The following MMRN1 variants were observed in gnomAD, a reference collection of about 807,000 sequenced individuals.
MMRN1 encodes the protein multimerin 1.
In MMRN1, 94 loss-of-function variants were observed where a neutral mutation model predicts 100.7. The observed-to-expected ratio is 0.93, with a 90% confidence interval of 0.79 to 1.11. The LOEUF (loss-of-function observed/expected upper bound fraction) is 1.11. Ranked by LOEUF, MMRN1 falls within the 50% of genes least tolerant of loss-of-function variation. The pLI, the probability that MMRN1 is intolerant of heterozygous loss-of-function variation, is 0.00. For missense variants in MMRN1, 1,606 were observed against 1,439.1 expected (o/e 1.12, Z -1.88); for synonymous variants, 575 against 505.0 (o/e 1.14, Z -1.86).
At chr4:89,925,241 A>G (rs1015622929) in intron 4 of MMRN1, among the ~76,000 whole-genome samples, 2 of 149,880 alleles carry the variant, frequency 1.3e-5, no homozygotes, top group East Asian at 2.0e-4. Context: ...AGCTCAACCA[A>G]TCCTCCTGCC....
At chr4:89,941,188 T>C (rs970870769) in intron 6 of MMRN1, among the ~76,000 whole-genome samples, 4 of 152,194 alleles carry the variant, frequency 2.6e-5, no homozygotes, top group African/African-American at 9.6e-5. Flanking sequence ...GAAAGCTATC[T>C]GCTTCAATTT....
At chr4:89,885,670 T>C (rs541340229) in intron 1 of MMRN1, among the ~76,000 whole-genome samples, 2 of 152,276 alleles carry the variant, frequency 1.3e-5, no homozygotes, top group African/African-American at 2.4e-5. Context: ...TTGCCAGATA[T>C]ATTGGCATAA....
At chr4:89,910,595 A>G (rs972146061) in intron 2 of MMRN1, among the ~76,000 whole-genome samples, 2 of 151,478 alleles carry the variant, frequency 1.3e-5, no homozygotes, top group Non-Finnish European at 3.0e-5. Flanking sequence ...ACAATAGTTC[A>G]ACTAACTGCC....
intron 3 of MMRN1, among the ~76,000 whole-genome samples, chr4:89,915,400 C>T (rs1043412486): frequency 6.6e-6 from 1 of 151,536 alleles, no homozygotes; most frequent in Admixed American, 6.6e-5. Context: ...GTACACCGAA[C>T]ATTCACCATG....
rs928725203 is a variant in MMRN1 at position 89,936,444 on chromosome 4, A to G, written c.2764A>G (p.Lys922Glu). The G allele has an allele frequency of 1.9e-6, 3 of 1,611,650 alleles. No individual in the cohort carries two copies. The highest frequency in any genetic ancestry group is 3.4e-5 in the Admixed American group (2 of 59,644). ...TTCAATTAACTTCTTTTCGCTTAAC[A>G]AAACTCTCCACGAAGTTTTAACAAT... is the stretch of plus-strand genomic sequence containing the variant. ...HLSINFFSLN[K>E]TLHEVLTMCH... Residue 922 changes from lysine (K) to glutamate (E), a missense_variant, in exon 6 of 8, where the codon AAA becomes GAA. Lys to Glu is a moderately conservative substitution (Grantham distance 56, BLOSUM62 1). Coordinates refer to ENST00000264790, the MANE Select transcript of MMRN1 (RefSeq NM_007351.3).
intron 6 of MMRN1, among the ~76,000 whole-genome samples, chr4:89,942,133 G>A (rs1722850249): frequency 6.6e-6 from 1 of 152,052 alleles, no homozygotes; most frequent in African/African-American, 2.4e-5. Flanking sequence ...AAAAGGAAAT[G>A]GGATGGAATT....
chr4:89,891,360 C>T (rs1362682446), upstream of MMRN1, among the ~76,000 whole-genome samples: 1 of 152,024 alleles, frequency 6.6e-6, no homozygotes, highest in African/African-American at 2.4e-5. Flanking sequence ...ATGGTCATAG[C>T]TTCATCTATT....
At chr4:89,925,502 A>T (rs1159535064) in intron 4 of MMRN1, among the ~76,000 whole-genome samples, 1 of 106,030 alleles carries the variant, frequency 9.4e-6, no homozygotes, top group African/African-American at 5.2e-5. Context: ...TATATTTTTA[A>T]TATATATATA....
intron 2 of MMRN1, among the ~76,000 whole-genome samples, chr4:89,911,614 T>C (rs1246753840): frequency 6.6e-6 from 1 of 151,414 alleles, no homozygotes; most frequent in Non-Finnish European, 1.5e-5. Flanking sequence ...TATCTCCATA[T>C]AACTTTAAAA....
At chr4:89,925,560 G>GCACA (rs1722226814) in intron 4 of MMRN1, among the ~76,000 whole-genome samples, 1 of 151,088 alleles carries the variant, frequency 6.6e-6, no homozygotes, top group Non-Finnish European at 1.5e-5. Flanking sequence ...GGCTGGGTGT[G>GCACA]GTGGCTCACG....
In MMRN1 at chr4:89,925,888, C is replaced by A. The variant is rs149434772; in HGVS notation, c.956-1907C>A. Among the ~76,000 whole-genome samples the A allele has an allele frequency of 5.0e-3, 759 of 152,230 alleles. 1 individual carries two copies. The highest frequency in any genetic ancestry group is 8.6e-3 in the Non-Finnish European group (584 of 68,012). ...GATCCCACAAATACATGAGAACATG[C>A]GATGCTTGTCTTTCTGTTCCTGGCT... On this transcript the variant is annotated intron_variant, in intron 4 of 7. Transcript: ENST00000264790.
chr4:89,927,698 C>T lies in MMRN1; in HGVS notation c.956-97C>T. 7.4e-6 allele frequency: 8 copies of T among 1,086,848 alleles called. No homozygotes were observed. The South Asian group carries it at 1.2e-4, about 17-fold the overall frequency. 67.3% of individuals were successfully genotyped at this position (1,086,848 alleles called of 1,614,324 possible). A position where few individuals can be genotyped will look rare whatever the true frequency, so the allele number is the denominator to read the frequency against. ...AGCATCTTTGTTGTGCTCCAGCTTA[C>T]AGAAGAAAGGGTTTTAGTTTTTCTC... On this transcript the variant is annotated intron_variant, in intron 4 of 7. Coordinates refer to ENST00000264790, the MANE Select transcript of MMRN1 (RefSeq NM_007351.3).
intron 1 of MMRN1, among the ~76,000 whole-genome samples, chr4:89,880,439 G>A (rs1720792754): frequency 1.3e-5 from 2 of 152,120 alleles, no homozygotes; most frequent in South Asian, 4.1e-4. Context: ...ATTACCTAAA[G>A]AAGGAAATCA....
upstream of MMRN1, chr4:89,894,829 A>G (rs1721136556): frequency 2.1e-6 from 3 of 1,406,420 alleles, no homozygotes; most frequent in Non-Finnish European, 2.8e-6. Context: ...GTACGCTACA[A>G]AACACAGAAA....
At chr4:89,916,364 G>GAAAAAA (rs33949270) in intron 3 of MMRN1, among the ~76,000 whole-genome samples, 1 of 138,400 alleles carries the variant, frequency 7.2e-6, no homozygotes, top group African/African-American at 2.8e-5. Context: ...CTTAGATTCT[G>GAAAAAA]AAAAAAAAAA....
chr4:89,921,863 T>C (rs1349908980), intron 3 of MMRN1, among the ~76,000 whole-genome samples: 1 of 152,156 alleles, frequency 6.6e-6, no homozygotes, highest in Non-Finnish European at 1.5e-5. Context: ...GAAGCTTAAG[T>C]ATTATAGTCA....
At chr4:89,919,983 C>G (rs914234528) in intron 3 of MMRN1, among the ~76,000 whole-genome samples, 3 of 152,096 alleles carry the variant, frequency 2.0e-5, no homozygotes, top group Non-Finnish European at 4.4e-5. Flanking sequence ...TTCACAAAAT[C>G]TATGCACTGC....
At position 89,912,542 on chromosome 4, in the gene MMRN1, A is replaced by AT. The variant is rs957174113; in HGVS notation, c.850+504dup. On this transcript the variant is annotated intron_variant, in intron 3 of 7. Transcript: ENST00000264790. The stretch of plus-strand genomic sequence containing the variant: ...TCTTTTTCAAAATTCTAATGGAGCT[A>AT]TTTTTTTTTTTTCAGCTGAGGTTTT... Among the ~76,000 whole-genome samples, 1,081 of 143,732 alleles carry AT rather than the reference A, an allele frequency of 7.5e-3. 4 individuals carry two copies. The highest frequency in any genetic ancestry group is 0.013 in the African/African-American group (507 of 39,582). The allele number at this position is 143,732 out of a possible 152,430, so 94.3% of individuals were successfully genotyped here.
At chr4:89,892,484 G>T (rs1721077253), upstream of MMRN1, among the ~76,000 whole-genome samples, 1 of 151,670 alleles carries the variant, frequency 6.6e-6, no homozygotes. Flanking sequence ...GTATTAATTA[G>T]TCTCAGAAAG....
Sources: allele counts gnomAD v4.1 joint callset (sites outside exome capture counted in the v4.1 genomes callset), GRCh38; gene constraint gnomAD v4.1.1; transcripts MANE v1.5; gene names NCBI Gene and HGNC (gene_info 2026-07-23, HGNC 2026-07-21).